The following TNS3 variants were observed in gnomAD, a reference collection of about 807,000 sequenced individuals.
The protein encoded by TNS3 is tensin-3.
In TNS3, 45 loss-of-function variants were observed where a neutral mutation model predicts 140.9. The observed-to-expected ratio is 0.32, with a 90% CI of 0.25 to 0.41. The LOEUF is 0.41. Ranked by LOEUF, TNS3 falls within the 10% of genes least tolerant of loss-of-function variation. TNS3 has a pLI of 1.00. For missense variants in TNS3, 1,716 were observed against 1,906.7 expected (o/e 0.90, Z 1.86); for synonymous variants, 815 against 788.4 (o/e 1.03, Z -0.56).
chr7:47,312,692 AAC>A (rs1218307793), intron 20 of TNS3, among the ~76,000 whole-genome samples: 3 of 149,660 alleles, frequency 2.0e-5, no homozygotes, highest in Non-Finnish European at 4.4e-5. Flanking sequence ...GAGAGAGCAA[AAC>A]TCTGTCTCAA....
Position 47,304,921 on chromosome 7 carries a change from C to A in TNS3, c.2733G>T (p.Arg911=). 7.0e-7 allele frequency: 1 copy of A among 1,437,804 alleles called. No individual in the cohort carries two copies. The highest frequency in any genetic ancestry group is 9.2e-7 in the Non-Finnish European group (1 of 1,081,814). The allele number at this position is 1,437,804 out of a possible 1,614,324, so 89.1% of individuals were successfully genotyped here. A position where few individuals can be genotyped will look rare whatever the true frequency, so the allele number is the denominator to read the frequency against. The change falls in exon 21 of 31, where the codon CGG becomes CGT. Residue 911 remains arginine, a synonymous_variant. Transcript: ENST00000311160. ...SPIGPKSTML[R]ADASSTPSFQ... ...AGGAGGGCGTCGAGGACGCATCAGC[C>A]CGGAGCATCGTGGATTTGGGTCCGA...
intron 17 of TNS3, among the ~76,000 whole-genome samples, chr7:47,366,561 C>T (rs903514475): frequency 1.3e-5 from 2 of 152,246 alleles, no homozygotes; most frequent in Non-Finnish European, 2.9e-5. Flanking sequence ...CCACAGCACA[C>T]TCAGACCTGA....
chr7:47,302,037 C>A, intron 23 of TNS3, 149 bp downstream of exon 23: 1 of 633,164 alleles, frequency 1.6e-6, no homozygotes, highest in Admixed American at 2.8e-5. Context: ...CCCCAGGAGG[C>A]ATGGAATAAC....
intron 1 of TNS3, among the ~76,000 whole-genome samples, chr7:47,573,551 G>A (rs1264433717): frequency 6.6e-6 from 1 of 152,194 alleles, no homozygotes; most frequent in Non-Finnish European, 1.5e-5. Context: ...AGGTGGCCCT[G>A]CCCAGGGCCT....
chr7:47,533,866 C>T (rs1799507814), intron 1 of TNS3, among the ~76,000 whole-genome samples: 1 of 152,162 alleles, frequency 6.6e-6, no homozygotes, highest in Admixed American at 6.5e-5. Context: ...GATTGTGAGG[C>T]CTCCCCAGCA....
intron 8 of TNS3, among the ~76,000 whole-genome samples, chr7:47,431,666 A>G (rs975854801): frequency 1.3e-5 from 2 of 152,212 alleles, no homozygotes; most frequent in African/African-American, 2.4e-5. Context: ...CAAATTAGCA[A>G]AGGAAGGAAA....
intron 4 of TNS3, among the ~76,000 whole-genome samples, chr7:47,477,055 G>A (rs1024416224): frequency 6.6e-6 from 1 of 152,186 alleles, no homozygotes; most frequent in African/African-American, 2.4e-5. Context: ...AATGCCCCGG[G>A]GAGCCACAAA....
At chr7:47,285,970 G>A (rs200363463) in intron 27 of TNS3, among the ~76,000 whole-genome samples, 40 of 152,326 alleles carry the variant, frequency 2.6e-4, no homozygotes, top group Non-Finnish European at 3.8e-4. Context: ...TGATTAGAAC[G>A]GGAAAATGAA....
chr7:47,551,934 T>C (rs1352869208), intron 1 of TNS3, among the ~76,000 whole-genome samples: 1 of 152,112 alleles, frequency 6.6e-6, no homozygotes, highest in East Asian at 1.9e-4. Flanking sequence ...AAACCGTGTG[T>C]CCACCGGGAG....
intron 1 of TNS3, among the ~76,000 whole-genome samples, chr7:47,533,123 A>ATATATATATTT (rs1186427934): frequency 1.1e-5 from 1 of 88,818 alleles, no homozygotes; most frequent in African/African-American, 6.2e-5. Context: ...ATATATATAT[A>ATATATATATTT]TTTTTTTTTT....
intron 20 of TNS3, among the ~76,000 whole-genome samples, chr7:47,343,097 G>C (rs1789111457): frequency 6.6e-6 from 1 of 152,204 alleles, no homozygotes; most frequent in Non-Finnish European, 1.5e-5. Flanking sequence ...TGTACATGCA[G>C]ATAGTACTCA....
intron 10 of TNS3, among the ~76,000 whole-genome samples, chr7:47,418,967 A>C (rs921465938): frequency 4.6e-5 from 7 of 152,380 alleles, no homozygotes; most frequent in Non-Finnish European, 8.8e-5. Flanking sequence ...GCACTCACAG[A>C]GTCAGCCATG....
chr7:47,512,373 C>G (rs916123047), intron 2 of TNS3, among the ~76,000 whole-genome samples: 3 of 152,234 alleles, frequency 2.0e-5, no homozygotes, highest in Non-Finnish European at 4.4e-5. Context: ...CTCTGGCACA[C>G]ATTTCCCCTT....
intron 13 of TNS3, among the ~76,000 whole-genome samples, chr7:47,408,249 C>T (rs989873195): frequency 2.6e-5 from 4 of 152,178 alleles, no homozygotes; most frequent in African/African-American, 9.7e-5. Flanking sequence ...CCTGCCCCAC[C>T]CTGTTCCTGG....
At chr7:47,443,026 C>T (rs1045526840) in intron 4 of TNS3, among the ~76,000 whole-genome samples, 3 of 152,184 alleles carry the variant, frequency 2.0e-5, no homozygotes, top group Non-Finnish European at 4.4e-5. Context: ...CAAAGCCTAG[C>T]GCCAATTCCA....
chr7:47,413,206 C>A (rs1414869728), intron 12 of TNS3, among the ~76,000 whole-genome samples: 2 of 150,134 alleles, frequency 1.3e-5, no homozygotes, highest in Non-Finnish European at 3.0e-5. Context: ...CCCACCTCCA[C>A]CTCCCAAAGT....
chr7:47,543,290 C>G (rs1453176903), intron 1 of TNS3, among the ~76,000 whole-genome samples: 2 of 152,264 alleles, frequency 1.3e-5, no homozygotes, highest in Non-Finnish European at 1.5e-5. Context: ...GGCACACTTG[C>G]ATCTCACCTA....
At chr7:47,354,022 CACACACACACAA>C (rs1256010407) in intron 17 of TNS3, among the ~76,000 whole-genome samples, 26 of 151,868 alleles carry the variant, frequency 1.7e-4, no homozygotes, top group African/African-American at 6.0e-4. Flanking sequence ...CACACACACA[CACACACACACAA>C]ATTCCAAGGT....
At chr7:47,473,824 T>C (rs1407778190) in intron 4 of TNS3, among the ~76,000 whole-genome samples, 1 of 152,134 alleles carries the variant, frequency 6.6e-6, no homozygotes, top group African/African-American at 2.4e-5. Context: ...GTGTGGGTGT[T>C]TTGTTGGAAA....
Sources: gnomAD v4.1 joint callset for allele counts (sites outside exome capture counted in the v4.1 genomes callset) on GRCh38, gnomAD v4.1.1 for gene constraint, MANE v1.5 for transcripts, NCBI Gene and HGNC (gene_info 2026-07-23, HGNC 2026-07-21) for gene names.